Variants in KCTD3 observed in about 807,000 individuals in gnomAD.
The protein encoded by KCTD3 is potassium channel tetramerization domain containing 3.
KCTD3 carries 41 observed loss-of-function variants against 85.8 expected under a neutral mutation model. That is an observed-to-expected ratio of 0.48 (90% confidence interval 0.37 to 0.62). The LOEUF (loss-of-function observed/expected upper bound fraction) is 0.62, where lower values mean the gene tolerates loss of function less well. Among genes scored for constraint, KCTD3 ranks in the 20% least tolerant of loss-of-function variants. The pLI is 0.00. For missense variants in KCTD3, 724 were observed against 989.9 expected, an observed-to-expected ratio of 0.73 and a Z score of 3.60; for synonymous variants, 338 against 345.4, an observed-to-expected ratio of 0.98 and a Z score of 0.24.
chr1:215,569,589 G>A (rs1017259099), intron 1 of KCTD3, among the ~76,000 whole-genome samples: 33 of 145,318 alleles, frequency 2.3e-4, no homozygotes, highest in African/African-American at 8.4e-4. Context: ...TCTTGGCACT[G>A]TAACTTTTTT....
chr1:215,590,015 T>A (rs541448716), intron 9 of KCTD3, among the ~76,000 whole-genome samples: 6 of 152,340 alleles, frequency 3.9e-5, no homozygotes, highest in African/African-American at 1.4e-4. Flanking sequence ...ACTGCCAAAC[T>A]GTTTTCCAAA....
Position 215,608,091 on chromosome 1 carries a change from T to C in KCTD3, c.1384T>C (p.Ser462Pro). Residue 462 changes from serine to proline, a missense_variant, in exon 14 of 18, where the codon TCT (serine) becomes CCT (proline). Physicochemically the swap from Ser to Pro is moderately conservative, Grantham distance 74. Transcript: ENST00000259154. ...AGGAATGATCTCTACTCAGCCAGGT[T>C]CTACTCCTTTAGCGTCATTCAAGAT... ...FRGMISTQPG[S>P]TPLASFKILS... 6.2e-7 allele frequency: 1 copy of C among 1,612,162 alleles called. No individual in the cohort carries two copies. Among genetic ancestry groups the C allele is most frequent in the Non-Finnish European group, 8.5e-7 (1 of 1,178,558 alleles).
chr1:215,595,252 A>G, intron 9 of KCTD3, 104 bp from the exon 10 acceptor site: 1 of 702,112 alleles, frequency 1.4e-6, no homozygotes, highest in South Asian at 1.7e-5. Flanking sequence ...GTTTGTAGTA[A>G]TGAGAATATA....
intron 12 of KCTD3, 81 bp downstream of exon 12, chr1:215,602,282 A>G (rs1654860795): frequency 1.4e-6 from 1 of 694,978 alleles, no homozygotes; most frequent in African/African-American, 1.8e-5. Context: ...GGTCAAATTA[A>G]ACTGGTTTAT....
chr1:215,580,328 T>C (rs921579256), intron 8 of KCTD3, among the ~76,000 whole-genome samples: 2 of 152,234 alleles, frequency 1.3e-5, no homozygotes, highest in African/African-American at 4.8e-5. Flanking sequence ...ACAGGATTAT[T>C]AATGTGAGCT....
At chr1:215,609,383 T>A (rs541060204) in intron 14 of KCTD3, among the ~76,000 whole-genome samples, 2 of 152,094 alleles carry the variant, frequency 1.3e-5, no homozygotes, top group South Asian at 4.1e-4. Context: ...ATTGTTGGAT[T>A]ATAGGATATG....
At chr1:215,574,192 T>A in intron 3 of KCTD3, 74 bp downstream of exon 3, 1 of 841,682 alleles carries the variant, frequency 1.2e-6, no homozygotes, top group African/African-American at 1.7e-5. Flanking sequence ...ATAGTTACTC[T>A]AAGAATATAG....
At chr1:215,576,230 G>A (rs976020792) in intron 4 of KCTD3, among the ~76,000 whole-genome samples, 13 of 151,722 alleles carry the variant, frequency 8.6e-5, no homozygotes, top group Middle Eastern at 3.4e-3. Flanking sequence ...CACCATGCCC[G>A]GCTGATTTTT....
intron 10 of KCTD3, among the ~76,000 whole-genome samples, chr1:215,600,939 A>C (rs1484565059): frequency 7.0e-6 from 1 of 142,496 alleles, no homozygotes; most frequent in Admixed American, 7.0e-5. Context: ...TAGCAAACAC[A>C]TTTTTTTTTT....
chr1:215,619,808 C>T (rs976912692), intron 17 of KCTD3, among the ~76,000 whole-genome samples: 1 of 151,996 alleles, frequency 6.6e-6, no homozygotes, highest in African/African-American at 2.4e-5. Flanking sequence ...ATTTTTCCTC[C>T]CATCTTTTTT....
At chr1:215,580,555 G>A (rs1027669545) in intron 8 of KCTD3, among the ~76,000 whole-genome samples, 2 of 151,982 alleles carry the variant, frequency 1.3e-5, no homozygotes, top group Non-Finnish European at 2.9e-5. Context: ...ATGAAGAATA[G>A]TGTAGACCGG....
In KCTD3 at chr1:215,574,101, C is replaced by G; in HGVS notation, c.166C>G (p.Arg56Gly). ...SLLSGRISTLRDETGAIFIDR... is the reference protein window; with the variant it reads ...SLLSGRISTLGDETGAIFIDR... ...GCTGAGTGGGAGAATTTCAACACTTCGAGATGAAACTGGTGCTGTGAGTAT... is the reference window on the plus strand; with the variant it reads ...GCTGAGTGGGAGAATTTCAACACTTGGAGATGAAACTGGTGCTGTGAGTAT... The change falls in exon 3 of 18, where the codon CGA (arginine) becomes GGA (glycine). Residue 56 changes from arginine (R) to glycine (G), a missense_variant. Transcript: ENST00000259154. The G allele has an allele frequency of 6.3e-7, 1 of 1,582,596 alleles. No individual in the cohort carries two copies. The highest frequency in any genetic ancestry group is 8.6e-7 in the Non-Finnish European group (1 of 1,158,072).
At chr1:215,599,737 G>A (rs1654757306) in intron 10 of KCTD3, among the ~76,000 whole-genome samples, 1 of 152,044 alleles carries the variant, frequency 6.6e-6, no homozygotes, top group Non-Finnish European at 1.5e-5. Context: ...CCGTATGGAG[G>A]GGTAGACATG....
In KCTD3 at chr1:215,575,989, CTT is replaced by C; in HGVS notation, c.257+19_257+20del. The C allele has an allele frequency of 7.9e-7, 1 of 1,269,836 alleles. No homozygotes were observed. The highest frequency in any genetic ancestry group is 2.5e-5 in the East Asian group (1 of 40,680). 78.7% of individuals were successfully genotyped at this position (1,269,836 alleles called of 1,614,324 possible). A position where few individuals can be genotyped will look rare whatever the true frequency, so the allele number is the denominator to read the frequency against. Reference sequence around the variant, plus strand: ...CTAGACTTAAGGTAAGAAATGCACTCTTTTTAAAGTAAATTCTTACTGATAAA... The same window carrying C: ...CTAGACTTAAGGTAAGAAATGCACTCTTTAAAGTAAATTCTTACTGATAAA... On this transcript the variant is annotated intron_variant, in intron 4 of 17. Coordinates refer to ENST00000259154, the MANE Select transcript of KCTD3 (RefSeq NM_016121.5).
chr1:215,608,773 A>T (rs529372830), intron 14 of KCTD3, among the ~76,000 whole-genome samples: 1 of 151,828 alleles, frequency 6.6e-6, no homozygotes, highest in East Asian at 1.9e-4. Context: ...CCCCGGCCCC[A>T]TTTGAAAGAA....
At chr1:215,576,354 C>T (rs887553543) in intron 4 of KCTD3, among the ~76,000 whole-genome samples, 1 of 151,850 alleles carries the variant, frequency 6.6e-6, no homozygotes, top group African/African-American at 2.4e-5. Context: ...CAGGAATGAG[C>T]CACTACGCCC....
At chr1:215,577,548 G>A (rs1571873223) in intron 4 of KCTD3, 122 bp from the exon 5 acceptor site, 1 of 649,070 alleles carries the variant, frequency 1.5e-6, no homozygotes, top group East Asian at 2.6e-5. Flanking sequence ...AGTATTAGGA[G>A]GAAAATAATT....
intron 15 of KCTD3, among the ~76,000 whole-genome samples, chr1:215,617,853 C>T (rs1042818384): frequency 1.2e-4 from 18 of 146,136 alleles, no homozygotes; most frequent in East Asian, 7.9e-4. Context: ...TTAGTATATA[C>T]GTAATATATA....
chr1:215,604,783 A>T (rs1179104242), intron 13 of KCTD3, among the ~76,000 whole-genome samples: 1 of 150,812 alleles, frequency 6.6e-6, no homozygotes, highest in African/African-American at 2.4e-5. Context: ...TGATTATATT[A>T]TGGTTTAATG....
Sources: gnomAD v4.1 joint callset for allele counts (sites outside exome capture counted in the v4.1 genomes callset) on GRCh38, gnomAD v4.1.1 for gene constraint, MANE v1.5 for transcripts, NCBI Gene and HGNC (gene_info 2026-07-23, HGNC 2026-07-21) for gene names.